Variants in HLCS observed in about 807,000 individuals in gnomAD.
The protein encoded by HLCS is holocarboxylase synthetase, also known as biotin--protein ligase.
In HLCS, 53 loss-of-function variants were observed where a neutral mutation model predicts 75.0. That is an observed-to-expected ratio of 0.71 (90% CI 0.57 to 0.89). The LOEUF is 0.89. Ranked by LOEUF, HLCS falls within the 40% of genes least tolerant of loss-of-function variation. HLCS has a pLI of 0.00. For synonymous variants in HLCS, 431 were observed against 428.6 expected (o/e 1.01, Z -0.07); for missense variants, 966 against 1,074.0 (o/e 0.90, Z 1.41).
intron 5 of HLCS, among the ~76,000 whole-genome samples, chr21:36,927,244 T>C (rs2066448290): frequency 6.6e-6 from 1 of 152,248 alleles, no homozygotes; most frequent in Admixed American, 6.5e-5. Flanking sequence ...CTGCTTCCTC[T>C]TGGTATCGTG....
intron 6 of HLCS, among the ~76,000 whole-genome samples, chr21:36,869,011 A>G (rs897480916): frequency 3.3e-5 from 5 of 151,950 alleles, no homozygotes; most frequent in East Asian, 1.9e-4. Flanking sequence ...GACTCCTCGC[A>G]TTCAAGTCTC....
At chr21:36,924,607 T>C (rs1238945853) in intron 5 of HLCS, among the ~76,000 whole-genome samples, 1 of 152,144 alleles carries the variant, frequency 6.6e-6, no homozygotes, top group African/African-American at 2.4e-5. Context: ...CTCTTCACTG[T>C]CCTGTACGCC....
chr21:36,966,272 C>CCGGCCTCTCTCTGGGCCCCGGGGCAA (rs1412800845), intron 1 of HLCS, among the ~76,000 whole-genome samples, 172 bp downstream of exon 1: 4 of 152,174 alleles, frequency 2.6e-5, no homozygotes, highest in African/African-American at 4.8e-5. Flanking sequence ...TCCCGCACCT[C>CCGGCCTCTCTCTGGGCCCCGGGGCAA]CGGCCTCTCT....
intron 9 of HLCS, among the ~76,000 whole-genome samples, chr21:36,758,585 C>A (rs1200673952): frequency 2.0e-5 from 3 of 152,136 alleles, no homozygotes; most frequent in Non-Finnish European, 4.4e-5. Flanking sequence ...CCTTCGCTTA[C>A]CCCACGCTGA....
In HLCS at chr21:36,777,739, G is replaced by A. The variant is rs1043616840; in HGVS notation, c.1893-10454C>T. 3.3e-5 allele frequency among the ~76,000 whole-genome samples: 5 copies of A among 152,116 alleles called. No homozygotes were observed. In the East Asian group the frequency reaches 7.7e-4, roughly 24 times the overall value. ...ATTTCTAGCAGGAATACATGGAAGC[G>A]ATATTGTGACCTCAGGGCCTGACAT... is the stretch of plus-strand genomic sequence containing the variant. On this transcript the variant is annotated intron_variant, in intron 6 of 10. Transcript: ENST00000674895.
chr21:36,823,754 G>A (rs952894962), intron 6 of HLCS, among the ~76,000 whole-genome samples: 1 of 151,840 alleles, frequency 6.6e-6, no homozygotes, highest in East Asian at 1.9e-4. Flanking sequence ...GACACAACTG[G>A]GTTTTGTATT....
intron 6 of HLCS, among the ~76,000 whole-genome samples, chr21:36,821,162 T>C (rs1217554394): frequency 1.3e-5 from 2 of 152,168 alleles, no homozygotes; most frequent in Non-Finnish European, 2.9e-5. Context: ...ACAGTCCACT[T>C]GGGTGACGGC....
chr21:36,879,833 C>T (rs937883586), intron 6 of HLCS, among the ~76,000 whole-genome samples: 1 of 151,826 alleles, frequency 6.6e-6, no homozygotes, highest in Non-Finnish European at 1.5e-5. Context: ...CTGCTTGAGC[C>T]CAGGAGTTCG....
chr21:36,852,801 C>A (rs16997932), intron 6 of HLCS, among the ~76,000 whole-genome samples: 2,319 of 152,218 alleles, frequency 0.015, 57 homozygotes, highest in African/African-American at 0.052. Context: ...TGCCTGAAAC[C>A]ATCCCTCAGA....
intron 6 of HLCS, among the ~76,000 whole-genome samples, chr21:36,862,479 G>A (rs1292865030): frequency 1.3e-5 from 2 of 152,184 alleles, no homozygotes; most frequent in Non-Finnish European, 2.9e-5. Context: ...GACAGCCCCA[G>A]GTGTGAGGTG....
chr21:36,988,744 AACCGTGATGGTATCTCAGAGT>A (rs1160714370), intron 1 of HLCS, among the ~76,000 whole-genome samples: 1 of 152,200 alleles, frequency 6.6e-6, no homozygotes, highest in African/African-American at 2.4e-5. Flanking sequence ...GATCAGTTAG[AACCGTGATGGTATCTCAGAGT>A]ACCCTGCATT....
intron 6 of HLCS, among the ~76,000 whole-genome samples, chr21:36,840,596 C>T (rs1487866244): frequency 3.3e-5 from 5 of 152,098 alleles, no homozygotes; most frequent in Admixed American, 2.6e-4. Flanking sequence ...TACAATTTTG[C>T]TTTTATTTTA....
intron 6 of HLCS, among the ~76,000 whole-genome samples, chr21:36,891,573 C>T (rs2064787328): frequency 6.6e-6 from 1 of 152,180 alleles, no homozygotes; most frequent in Admixed American, 6.5e-5. Context: ...ACTGCCGCAG[C>T]AAAACCTTTG....
chr21:36,853,240 C>T (rs947856135), intron 6 of HLCS, among the ~76,000 whole-genome samples: 8 of 152,158 alleles, frequency 5.3e-5, no homozygotes, highest in Non-Finnish European at 7.3e-5. Flanking sequence ...CACGTTATTT[C>T]GGAGCGAGCT....
rs749096787 is a variant in HLCS at position 36,936,882 on chromosome 21, T to A, written c.1004A>T (p.Asp335Val). ...RFHEVRSVLA[D>V]CVDIDSYILY... ...AATATAACTGTCAATGTCCACACAG[T>A]CGGCCAGCACAGACCGGACCTCGTG... Residue 335 changes from aspartate to valine, a missense_variant, in exon 4 of 11, where the codon GAC (aspartate) becomes GTC (valine). Coordinates refer to ENST00000674895, the MANE Select transcript of HLCS (RefSeq NM_001352514.2). The A allele has an allele frequency of 6.2e-7, 1 of 1,614,072 alleles. No individual in the cohort carries two copies. Among genetic ancestry groups the A allele is most frequent in the South Asian group, 1.1e-5 (1 of 91,072 alleles).
intron 6 of HLCS, among the ~76,000 whole-genome samples, chr21:36,861,611 T>C (rs2063384221): frequency 6.6e-6 from 1 of 152,210 alleles, no homozygotes; most frequent in South Asian, 2.1e-4. Context: ...GTTCTCATTA[T>C]TTAGCTCCCA....
intron 5 of HLCS, among the ~76,000 whole-genome samples, chr21:36,899,586 C>T (rs1179718762): frequency 6.6e-6 from 1 of 151,692 alleles, no homozygotes; most frequent in African/African-American, 2.4e-5. Flanking sequence ...ATCACGCCAT[C>T]ACACTCCAGC....
At chr21:36,884,310 G>A (rs2064356367) in intron 6 of HLCS, among the ~76,000 whole-genome samples, 1 of 152,194 alleles carries the variant, frequency 6.6e-6, no homozygotes, top group Non-Finnish European at 1.5e-5. Flanking sequence ...ATTACCATGA[G>A]TGGGCATTAT....
intron 1 of HLCS, among the ~76,000 whole-genome samples, chr21:36,981,695 C>T (rs1012305087): frequency 1.3e-5 from 2 of 152,038 alleles, no homozygotes; most frequent in African/African-American, 4.8e-5. Context: ...CCACTGCATC[C>T]GGCCTTAACC....
Sources: gnomAD v4.1 joint callset for allele counts (sites outside exome capture counted in the v4.1 genomes callset) on GRCh38, gnomAD v4.1.1 for gene constraint, MANE v1.5 for transcripts, NCBI Gene and HGNC (gene_info 2026-07-23, HGNC 2026-07-21) for gene names.